Variants in SAMD8 observed in about 807,000 individuals in gnomAD.
SAMD8 encodes sphingomyelin synthase-related protein 1.
SAMD8 carries 20 observed loss-of-function variants against 42.0 expected under a neutral mutation model. That is an observed-to-expected ratio of 0.48 (90% CI 0.34 to 0.69). The LOEUF is 0.69. Among genes scored for constraint, SAMD8 ranks in the 30% least tolerant of loss-of-function variants. SAMD8 has a pLI of 0.01. For missense variants in SAMD8, 328 were observed against 511.6 expected (o/e 0.64, Z 3.46); for synonymous variants, 162 against 173.0 (o/e 0.94, Z 0.50).
intron 1 of SAMD8, among the ~76,000 whole-genome samples, chr10:75,124,444 C>T (rs1039307523): frequency 6.6e-6 from 1 of 152,068 alleles, no homozygotes; most frequent in Non-Finnish European, 1.5e-5. Flanking sequence ...GAAACCCTGT[C>T]TCTAGTAAAA....
At chr10:75,168,738 T>C in intron 4 of SAMD8, 80 bp downstream of exon 4, 2 of 874,622 alleles carry the variant, frequency 2.3e-6, no homozygotes, top group South Asian at 1.3e-5. Context: ...AGATTTTGCT[T>C]ATAGTATTAA....
At chr10:75,148,653 G>C (rs997255778) in intron 1 of SAMD8, among the ~76,000 whole-genome samples, 3 of 152,054 alleles carry the variant, frequency 2.0e-5, no homozygotes, top group Non-Finnish European at 4.4e-5. Context: ...GCGCCCGGCC[G>C]CAGTACCAGC....
chr10:75,136,098 C>T (rs1421594420), intron 1 of SAMD8, among the ~76,000 whole-genome samples: 1 of 151,780 alleles, frequency 6.6e-6, no homozygotes, highest in Non-Finnish European at 1.5e-5. Flanking sequence ...GCTAGATACA[C>T]TCTCATTTTG....
chr10:75,118,087 A>G (rs1021661451), intron 1 of SAMD8, among the ~76,000 whole-genome samples: 3 of 152,352 alleles, frequency 2.0e-5, no homozygotes, highest in East Asian at 1.9e-4. Flanking sequence ...TGAAATTATA[A>G]GAGTTCACGG....
In SAMD8 at chr10:75,111,706, C is replaced by A; in HGVS notation, c.-32C>A. 1 of 1,234,486 alleles carries A rather than the reference C, an allele frequency of 8.1e-7. No homozygotes were observed. Among genetic ancestry groups the A allele is most frequent in the South Asian group, 4.0e-5 (1 of 25,204 alleles). 76.5% of individuals were successfully genotyped at this position (1,234,486 alleles called of 1,614,324 possible). A position where few individuals can be genotyped will look rare whatever the true frequency, so the allele number is the denominator to read the frequency against. ...GACTCGGAGGTGGGTCCGGGGAGCC[C>A]GACTCGGACCGCGGAGGTGAGCGGG... On this transcript the variant is annotated 5_prime_UTR_variant, in exon 1 of 6. Coordinates refer to ENST00000542569, the MANE Select transcript of SAMD8 (RefSeq NM_001174156.2).
At position 75,177,407 on chromosome 10, in the gene SAMD8, G is replaced by A. The variant is rs1043602406; in HGVS notation, c.*715G>A. The A allele has an allele frequency of 6.6e-6, 1 of 152,214 alleles. No homozygotes were observed. Among genetic ancestry groups the A allele is most frequent in the Non-Finnish European group, 1.5e-5 (1 of 68,042 alleles). The allele number at this position is 152,214 out of a possible 1,614,324, so 9.4% of individuals were successfully genotyped here. A position where few individuals can be genotyped will look rare whatever the true frequency, so the allele number is the denominator to read the frequency against. ...AGTGTGACCCTCAGTGAGTATTCAT[G>A]AGGGAAAAATGGCTGCATCCATAAA... is the stretch of plus-strand genomic sequence containing the variant. On this transcript the variant is annotated 3_prime_UTR_variant, in exon 6 of 6. Coordinates refer to ENST00000542569, the MANE Select transcript of SAMD8 (RefSeq NM_001174156.2).
At chr10:75,108,146 G>A (rs1848630559), upstream of SAMD8, 1 of 1,613,162 alleles carries the variant, frequency 6.2e-7, no homozygotes, top group East Asian at 2.2e-5. Context: ...GGCCCTTGTG[G>A]GCGGCGTTCA....
chr10:75,159,706 T>G (rs185819262), intron 2 of SAMD8, among the ~76,000 whole-genome samples: 23 of 152,298 alleles, frequency 1.5e-4, no homozygotes, highest in African/African-American at 5.5e-4. Context: ...ACATTTAGAT[T>G]GGACCTACAC....
rs550957617 is a variant in SAMD8, at chr10:75,178,093, T to G, written c.*1401T>G. ...CACATAGCAGAAGCTTGCTCCTTCC[T>G]TATCTGGGTGAAATATTTTATTTTT... On this transcript the variant is annotated 3_prime_UTR_variant, in exon 6 of 6. Transcript: ENST00000542569. 6.6e-6 allele frequency: 1 copy of G among 152,318 alleles called. No homozygotes were observed. Among genetic ancestry groups the G allele is most frequent in the South Asian group, 2.1e-4 (1 of 4,824 alleles). The allele number at this position is 152,318 out of a possible 1,614,324, so 9.4% of individuals were successfully genotyped here.
At chr10:75,173,313 T>A (rs7910913) in intron 4 of SAMD8, among the ~76,000 whole-genome samples, 156 of 152,344 alleles carry the variant, frequency 1.0e-3, no homozygotes, top group African/African-American at 3.7e-3. Context: ...AATTAATTGC[T>A]TGAAATTGCA....
At chr10:75,118,842 C>G (rs556513692) in intron 1 of SAMD8, among the ~76,000 whole-genome samples, 7 of 152,144 alleles carry the variant, frequency 4.6e-5, no homozygotes, top group Admixed American at 2.6e-4. Context: ...CCTTATCCTC[C>G]TACATCATAG....
In SAMD8 at chr10:75,176,094, A is replaced by G. The variant is rs1280975739; in HGVS notation, c.821A>G (p.His274Arg). ...TATGGCAGTGTATGGGAGAAATTACATCGAGCCTTTGCCATTTGGAGTGGC... is the reference window on the plus strand; with the variant it reads ...TATGGCAGTGTATGGGAGAAATTACGTCGAGCCTTTGCCATTTGGAGTGGC... ...KIYGSVWEKL[H>R]RAFAIWSGFG... The change falls in exon 5 of 6, where the codon CAT becomes CGT. Residue 274 changes from histidine to arginine, a missense_variant. By Grantham distance (29) the His-to-Arg change is conservative (BLOSUM62 0). Around this residue, in one of 2 missense-constraint regions of SAMD8, gnomAD observed 178 missense variants for 325.6 expected, o/e 0.55. Transcript: ENST00000542569. The surrounding 1 kb of genome is among the most constrained non-coding windows in gnomAD (Gnocchi z 4.3). 5 of 1,614,112 alleles carry G rather than the reference A, an allele frequency of 3.1e-6. No homozygotes were observed. Among genetic ancestry groups the G allele is most frequent in the Non-Finnish European group, 3.4e-6 (4 of 1,180,044 alleles).
intron 4 of SAMD8, among the ~76,000 whole-genome samples, chr10:75,170,863 T>C (rs1302722285): frequency 6.7e-6 from 1 of 149,772 alleles, no homozygotes; most frequent in Non-Finnish European, 1.5e-5. Flanking sequence ...AACCTCCTCT[T>C]CCCAAGTTCA....
intron 2 of SAMD8, 143 bp from the exon 3 acceptor site, chr10:75,164,492 TTTTCTCCCAG>T: frequency 1.0e-6 from 1 of 983,386 alleles, no homozygotes; most frequent in Non-Finnish European, 1.2e-6. Flanking sequence ...GACACAGATT[TTTTCTCCCAG>T]TTTCTCCAAA....
At chr10:75,155,923 T>G (rs1021246056) in intron 2 of SAMD8, among the ~76,000 whole-genome samples, 1 of 152,158 alleles carries the variant, frequency 6.6e-6, no homozygotes, top group African/African-American at 2.4e-5. Flanking sequence ...TAAAATACTG[T>G]TCCCAGGCCA....
rs748575623 is a variant in SAMD8 at position 75,150,657 on chromosome 10, A to T, written c.129A>T (p.Thr43=). The change falls in exon 2 of 6, where the codon ACA becomes ACT. Residue 43 remains threonine (T), a synonymous_variant. Transcript: ENST00000542569. ...ATAAGCACCGACTTGATGGAATCAC[A>T]TTGCTAACATTGACTGAATATGATC... ...LCNKHRLDGI[T]LLTLTEYDLR... 3.1e-6 allele frequency: 5 copies of T among 1,614,202 alleles called. No individual in the cohort carries two copies. The highest frequency in any genetic ancestry group is 2.5e-6 in the Non-Finnish European group (3 of 1,180,024).
chr10:75,137,113 T>G (rs892904972), intron 1 of SAMD8, among the ~76,000 whole-genome samples: 1 of 152,204 alleles, frequency 6.6e-6, no homozygotes, highest in East Asian at 1.9e-4. Context: ...TGAACAGATA[T>G]TTGTTTACCC....
intron 4 of SAMD8, 50 bp downstream of exon 4, chr10:75,168,708 C>A: frequency 1.8e-6 from 2 of 1,127,366 alleles, no homozygotes; most frequent in Non-Finnish European, 1.4e-6. Flanking sequence ...GTTGATGGCA[C>A]ACTATATGCA....
In SAMD8 at chr10:75,105,598, GCCTAGGCCCTCACCTGGCCTCTTCCGGC is replaced by G; in HGVS notation, c.-16+5872_-16+5899del. The G allele has an allele frequency of 2.8e-6, 4 of 1,436,572 alleles. No individual in the cohort carries two copies. In the South Asian group the frequency reaches 5.0e-5, roughly 18 times the overall value. The allele number at this position is 1,436,572 out of a possible 1,614,324, so 89.0% of individuals were successfully genotyped here. On this transcript the variant is annotated intron_variant, in intron 1 of 3. Coordinates refer to the SAMD8 transcript ENST00000447533. ...GGAAGAATCCAATCCTATGTCTGCAGCCTAGGCCCTCACCTGGCCTCTTCCGGCCAACCACATCCAGCTTTGCCCCCTG... is the reference window on the plus strand; with the variant it reads ...GGAAGAATCCAATCCTATGTCTGCAGCAACCACATCCAGCTTTGCCCCCTG...
Sources: gnomAD v4.1 joint callset for allele counts (sites outside exome capture counted in the v4.1 genomes callset) on GRCh38, gnomAD v4.1.1 for gene constraint, gnomAD v4.1.1 regional missense constraint, Gnocchi (gnomAD v3.1) non-coding constraint, MANE v1.5 for transcripts, NCBI Gene and HGNC (gene_info 2026-07-23, HGNC 2026-07-21) for gene names.